Variants in GLIS3 observed in about 807,000 individuals in gnomAD.
GLIS3 encodes zinc finger protein GLIS3.
In GLIS3, 53 loss-of-function variants were observed where a neutral mutation model predicts 78.6. The ratio of observed to expected loss-of-function variants is 0.67; its 90% CI spans 0.54 to 0.85. The LOEUF is 0.85. Ranked by LOEUF, GLIS3 falls within the 40% of genes least tolerant of loss-of-function variation. The probability of loss-of-function intolerance (pLI) is 0.00; values close to 1 mark genes in which losing one functional copy is unlikely to be tolerated. For synonymous variants in GLIS3, 684 were observed against 509.9 expected, an observed-to-expected ratio of 1.34 and a Z score of -4.60; for missense variants, 1,703 against 1,231.1, an observed-to-expected ratio of 1.38 and a Z score of -5.74.
chr9:3,981,685 C>G (rs192867561), intron 4 of GLIS3, among the ~76,000 whole-genome samples: 4 of 152,256 alleles, frequency 2.6e-5, no homozygotes, highest in African/African-American at 9.6e-5. Flanking sequence ...ATGATAAAGC[C>G]TTTTCAAATT....
At chr9:4,331,913 G>A (rs556732915) in intron 2 of GLIS3, among the ~76,000 whole-genome samples, 10 of 152,286 alleles carry the variant, frequency 6.6e-5, no homozygotes, top group East Asian at 3.9e-4. Flanking sequence ...AAATGCCCAG[G>A]TTGTCAACTG....
intron 6 of GLIS3, among the ~76,000 whole-genome samples, chr9:3,921,723 A>G (rs2130732760): frequency 6.6e-6 from 1 of 152,280 alleles, no homozygotes; most frequent in East Asian, 1.9e-4. Context: ...TATATGCAAT[A>G]TTTATGACAA....
At chr9:4,413,890 C>G in the GLIS3 span, among the ~76,000 whole-genome samples, 1 of 152,152 alleles carries the variant, frequency 6.6e-6, no homozygotes. Flanking sequence ...GAGGTTCTGG[C>G]TATCCAAATA....
At chr9:4,210,542 A>G (rs767668643) in intron 2 of GLIS3, among the ~76,000 whole-genome samples, 1 of 150,846 alleles carries the variant, frequency 6.6e-6, no homozygotes, top group Non-Finnish European at 1.5e-5. Context: ...CTAAGCAGCA[A>G]TTTTTTTTTT....
intron 2 of GLIS3, among the ~76,000 whole-genome samples, chr9:4,212,402 G>A (rs971742134): frequency 2.0e-5 from 3 of 152,128 alleles, no homozygotes; most frequent in Non-Finnish European, 4.4e-5. Flanking sequence ...TGAGATCTTT[G>A]TATGAGCCAG....
the GLIS3 span, among the ~76,000 whole-genome samples, chr9:4,446,859 C>G: frequency 6.6e-6 from 1 of 151,922 alleles, no homozygotes; most frequent in Admixed American, 6.6e-5. Context: ...GTGACCTCTG[C>G]TTCCTTCTTT....
intron 8 of GLIS3, among the ~76,000 whole-genome samples, chr9:3,874,717 G>A (rs1021867383): frequency 5.9e-5 from 9 of 152,214 alleles, no homozygotes; most frequent in Non-Finnish European, 1.3e-4. Flanking sequence ...TGCATGCTTA[G>A]TGGGCTGGGG....
chr9:4,258,433 C>G (rs10119601), intron 2 of GLIS3, among the ~76,000 whole-genome samples: 22,463 of 152,128 alleles, frequency 0.15, 1,778 homozygotes, highest in African/African-American at 0.17. Context: ...GTTCAGTTAC[C>G]TTAGTCAGAG....
chr9:4,228,863 A>G (rs534626159), intron 2 of GLIS3, among the ~76,000 whole-genome samples: 3 of 152,336 alleles, frequency 2.0e-5, no homozygotes, highest in African/African-American at 7.2e-5. Context: ...CTGAGTATGA[A>G]GTTTCAAAAT....
chr9:3,826,998 A>G lies in GLIS3; in HGVS notation c.*1274T>C, dbSNP rs1194891763. ...GGCTTGATATTTTCGACCAAGTGCT[A>G]TGTGAAAATTCCAGGCCTTCAAACT... On this transcript the variant is annotated 3_prime_UTR_variant, in exon 11 of 11. Coordinates refer to ENST00000381971, the MANE Select transcript of GLIS3 (RefSeq NM_001042413.2). 6.6e-6 allele frequency: 1 copy of G among 152,186 alleles called. No individual in the cohort carries two copies. Among genetic ancestry groups the G allele is most frequent in the Non-Finnish European group, 1.5e-5 (1 of 68,032 alleles). 9.4% of individuals were successfully genotyped at this position (152,186 alleles called of 1,614,324 possible). A position where few individuals can be genotyped will look rare whatever the true frequency, so the allele number is the denominator to read the frequency against.
intron 2 of GLIS3, among the ~76,000 whole-genome samples, chr9:4,192,602 T>G (rs999253748): frequency 2.0e-5 from 3 of 152,142 alleles, no homozygotes; most frequent in Non-Finnish European, 4.4e-5. Context: ...ACTATTCCAT[T>G]CCACTTATTC....
chr9:4,113,948 AG>A (rs1164568866), intron 4 of GLIS3, among the ~76,000 whole-genome samples: 2 of 152,184 alleles, frequency 1.3e-5, no homozygotes, highest in Non-Finnish European at 2.9e-5. Flanking sequence ...GGTGGGTAAA[AG>A]TTTTGAACAA....
At chr9:4,070,385 G>T (rs375768681) in intron 4 of GLIS3, among the ~76,000 whole-genome samples, 87 of 152,224 alleles carry the variant, frequency 5.7e-4, no homozygotes, top group African/African-American at 1.9e-3. Context: ...GTTAAAGAAG[G>T]TCTCTCAGAC....
At chr9:4,195,005 G>T (rs1818680079) in intron 2 of GLIS3, among the ~76,000 whole-genome samples, 1 of 152,230 alleles carries the variant, frequency 6.6e-6, no homozygotes, top group African/African-American at 2.4e-5. Flanking sequence ...AGATTGCAGT[G>T]CCTTCTCTAG....
At chr9:4,284,788 C>T (rs563197486) in intron 2 of GLIS3, among the ~76,000 whole-genome samples, 21 of 151,632 alleles carry the variant, frequency 1.4e-4, no homozygotes, top group African/African-American at 3.1e-4. Context: ...CGTTGTGGCA[C>T]GCACCTGTGG....
intron 6 of GLIS3, among the ~76,000 whole-genome samples, chr9:3,926,447 G>A (rs1825260092): frequency 6.6e-6 from 1 of 151,844 alleles, no homozygotes; most frequent in Admixed American, 6.6e-5. Flanking sequence ...AGCCAGGATG[G>A]TCTCGATCTC....
intron 2 of GLIS3, among the ~76,000 whole-genome samples, chr9:4,180,377 T>C (rs757143457): frequency 6.6e-6 from 1 of 152,186 alleles, no homozygotes; most frequent in Non-Finnish European, 1.5e-5. Flanking sequence ...AAAGCCTCTC[T>C]GCCTCTTCCT....
chr9:4,202,903 C>A lies in GLIS3; in HGVS notation c.389-76962G>T, dbSNP rs1355604145. ...CTAGGAAACACCATTCTGGACATTG[C>A]CATGGGAAAGAATTTATGACTAAGT... On this transcript the variant is annotated intron_variant, in intron 2 of 10. Transcript: ENST00000381971. 2.0e-5 allele frequency among the ~76,000 whole-genome samples: 3 copies of A among 152,096 alleles called. No homozygotes were observed. The South Asian group carries it at 6.2e-4, about 31-fold the overall frequency.
rs1421977334 is a variant in GLIS3 at position 3,944,241 on chromosome 9, T to A, written c.1711-7052A>T. Among the ~76,000 whole-genome samples, 3 of 152,342 alleles carry A rather than the reference T, an allele frequency of 2.0e-5. No homozygotes were observed. In the East Asian group the frequency reaches 5.8e-4, roughly 29 times the overall value. On this transcript the variant is annotated intron_variant, in intron 4 of 10. Transcript: ENST00000381971. ...AGACAATGTAGAGAGAAATATGTTATTTCTGTGGCAACATTTGAACCATAT... is the reference window on the plus strand; with the variant it reads ...AGACAATGTAGAGAGAAATATGTTAATTCTGTGGCAACATTTGAACCATAT...
Sources: gnomAD v4.1 joint callset for allele counts (sites outside exome capture counted in the v4.1 genomes callset) on GRCh38, gnomAD v4.1.1 for gene constraint, MANE v1.5 for transcripts, NCBI Gene and HGNC (gene_info 2026-07-23, HGNC 2026-07-21) for gene names.